TAS2R1: variants seen among roughly 807,000 people sequenced by gnomAD.
The protein encoded by TAS2R1 is taste 2 receptor member 1.
For synonymous variants in TAS2R1, 141 were observed against 134.2 expected, an observed-to-expected ratio of 1.05 and a Z score of -0.35; for missense variants, 370 against 353.4, an observed-to-expected ratio of 1.05 and a Z score of -0.38.
At chr5:9,826,557 C>A in the TAS2R1 span, among the ~76,000 whole-genome samples, 1 of 152,008 alleles carries the variant, frequency 6.6e-6, no homozygotes, top group Non-Finnish European at 1.5e-5. Context: ...AAAAGTCAGC[C>A]CACTGAAATA....
chr5:9,681,531 C>CAAAAAAAAAAAAAAA lies in TAS2R1; in HGVS notation c.-241-21965_-241-21951dup, dbSNP rs10681888. ...TTTCAGGGGACTTCTCATGTTTCTG[C>CAAAAAAAAAAAAAAA]AAAAAAAAAAAAAAAAAAAGATGCC... On this transcript the variant is annotated intron_variant, in intron 1 of 2. Transcript: ENST00000506620. 5.0e-3 allele frequency among the ~76,000 whole-genome samples: 438 copies of CAAAAAAAAAAAAAAA among 87,806 alleles called. 25 individuals are homozygous for CAAAAAAAAAAAAAAA. The highest frequency in any genetic ancestry group is 0.013 in the African/African-American group (290 of 23,088). The allele number at this position is 87,806 out of a possible 152,430, so 57.6% of individuals were successfully genotyped here. A position where few individuals can be genotyped will look rare whatever the true frequency, so the allele number is the denominator to read the frequency against.
At chr5:9,734,195 C>T in the TAS2R1 span, among the ~76,000 whole-genome samples, 1 of 152,182 alleles carries the variant, frequency 6.6e-6, no homozygotes, top group African/African-American at 2.4e-5. Context: ...AGAGGCCCTT[C>T]ACTAGACATG....
chr5:9,899,297 C>T, the TAS2R1 span, among the ~76,000 whole-genome samples: 2 of 152,006 alleles, frequency 1.3e-5, no homozygotes, highest in Admixed American at 1.3e-4. Context: ...AAATAGTATA[C>T]CAAGGGGAAC....
At chr5:9,701,503 G>C (rs2126525565) in intron 1 of TAS2R1, among the ~76,000 whole-genome samples, 1 of 152,226 alleles carries the variant, frequency 6.6e-6, no homozygotes, top group South Asian at 2.1e-4. Flanking sequence ...TATTGCACGT[G>C]CTTATAACCT....
intron 1 of TAS2R1, among the ~76,000 whole-genome samples, chr5:9,703,460 G>A (rs544013034): frequency 5.8e-4 from 88 of 152,266 alleles, no homozygotes; most frequent in Middle Eastern, 3.4e-3. Context: ...TCTGTAGAGC[G>A]TCATGAGGGC....
the TAS2R1 span, among the ~76,000 whole-genome samples, chr5:9,859,567 G>T: frequency 6.6e-6 from 1 of 152,182 alleles, no homozygotes; most frequent in Admixed American, 6.5e-5. Context: ...TCATAGATCT[G>T]TTGTAATCTA....
the TAS2R1 span, among the ~76,000 whole-genome samples, chr5:9,843,231 C>G: frequency 1.3e-5 from 2 of 152,158 alleles, no homozygotes; most frequent in African/African-American, 4.8e-5. Flanking sequence ...TTCAGCAGTT[C>G]TTCCATGTCT....
the TAS2R1 span, among the ~76,000 whole-genome samples, chr5:9,787,511 T>G: frequency 6.6e-6 from 1 of 152,218 alleles, no homozygotes. Context: ...AACTCTTCCC[T>G]TTGGAAGACT....
chr5:9,719,881 G>A, the TAS2R1 span, among the ~76,000 whole-genome samples: 2 of 134,256 alleles, frequency 1.5e-5, no homozygotes, highest in South Asian at 2.4e-4. Context: ...TCGCACCACT[G>A]CACTCCAGCC....
At chr5:9,776,835 C>G in the TAS2R1 span, among the ~76,000 whole-genome samples, 1 of 152,094 alleles carries the variant, frequency 6.6e-6, no homozygotes, top group Non-Finnish European at 1.5e-5. Flanking sequence ...AGGTTCAGTT[C>G]CAGACCACCA....
At chr5:9,641,711 G>C (rs765010446) in intron 2 of TAS2R1, among the ~76,000 whole-genome samples, 2 of 152,218 alleles carry the variant, frequency 1.3e-5, no homozygotes, top group East Asian at 3.8e-4. Flanking sequence ...CTAAGCAAGA[G>C]TGAACTAAAT....
chr5:9,659,718 AT>A (rs1261792177), intron 1 of TAS2R1: 1 of 152,144 alleles, frequency 6.6e-6, no homozygotes, highest in African/African-American at 2.4e-5. Flanking sequence ...ACTGGATTCC[AT>A]TTTATATTAC....
chr5:9,804,184 A>C, the TAS2R1 span, among the ~76,000 whole-genome samples: 12 of 152,186 alleles, frequency 7.9e-5, no homozygotes, highest in African/African-American at 2.9e-4. Context: ...ATGCAACAGG[A>C]AAATATCACA....
chr5:9,656,055 T>C (rs1740411659), intron 2 of TAS2R1, among the ~76,000 whole-genome samples: 1 of 152,114 alleles, frequency 6.6e-6, no homozygotes, highest in Non-Finnish European at 1.5e-5. Context: ...GCAGAGCACT[T>C]ATCACACTGC....
chr5:9,676,486 A>T (rs77579692), intron 1 of TAS2R1, among the ~76,000 whole-genome samples: 2 of 152,206 alleles, frequency 1.3e-5, no homozygotes, highest in African/African-American at 4.8e-5. Context: ...CTATGGAGCA[A>T]ATTTAATTCA....
the TAS2R1 span, among the ~76,000 whole-genome samples, chr5:9,744,899 CAA>C: frequency 1.1e-4 from 17 of 152,108 alleles, no homozygotes; most frequent in Non-Finnish European, 1.6e-4. Context: ...CTGCATTAGA[CAA>C]AGAGTATAAA....
the TAS2R1 span, among the ~76,000 whole-genome samples, chr5:9,806,272 T>A: frequency 1.3e-5 from 2 of 152,028 alleles, no homozygotes; most frequent in African/African-American, 2.4e-5. Context: ...TGGGAACACA[T>A]CCTATGCTCA....
At chr5:9,809,587 T>C in the TAS2R1 span, among the ~76,000 whole-genome samples, 18 of 152,296 alleles carry the variant, frequency 1.2e-4, no homozygotes, top group Middle Eastern at 3.4e-3. Context: ...CCTCCAGAAC[T>C]GTGACAAATA....
At chr5:9,874,243 G>A in the TAS2R1 span, among the ~76,000 whole-genome samples, 1 of 152,110 alleles carries the variant, frequency 6.6e-6, no homozygotes, top group South Asian at 2.1e-4. Context: ...TTCTTTGGAA[G>A]AACTGCTCTC....
Sources: gnomAD v4.1 joint callset for allele counts (sites outside exome capture counted in the v4.1 genomes callset) on GRCh38, gnomAD v4.1.1 for gene constraint, MANE v1.5 for transcripts, NCBI Gene and HGNC (gene_info 2026-07-23, HGNC 2026-07-21) for gene names.